POU6F2: variants seen among roughly 807,000 people sequenced by gnomAD.
POU6F2 encodes the protein POU domain, class 6, transcription factor 2.
Under a neutral mutation model 71.3 loss-of-function variants are expected in POU6F2, and 31 were observed. That is an observed-to-expected ratio of 0.43 (90% CI 0.33 to 0.59). The LOEUF is 0.59. Ranked by LOEUF, POU6F2 falls within the 20% of genes least tolerant of loss-of-function variation. The pLI, the probability that POU6F2 is intolerant of heterozygous loss-of-function variation, is 0.04. For synonymous variants in POU6F2, 347 were observed against 355.7 expected, an observed-to-expected ratio of 0.98 and a Z score of 0.27; for missense variants, 783 against 856.8, an observed-to-expected ratio of 0.91 and a Z score of 1.07.
At chr7:39,348,281 G>T (rs560720977) in intron 5 of POU6F2, among the ~76,000 whole-genome samples, 11 of 104,130 alleles carry the variant, frequency 1.1e-4, no homozygotes, top group Middle Eastern at 5.4e-3. Flanking sequence ...GTGACCATGG[G>T]CAAGTCACCT....
chr7:39,164,539 G>A (rs1343614007), intron 2 of POU6F2, among the ~76,000 whole-genome samples: 1 of 151,332 alleles, frequency 6.6e-6, no homozygotes, highest in East Asian at 2.0e-4. Context: ...AAGGCTCTGG[G>A]TGTGCTAAGT....
At chr7:38,987,230 A>C (rs976373631) in intron 1 of POU6F2, among the ~76,000 whole-genome samples, 3 of 152,166 alleles carry the variant, frequency 2.0e-5, no homozygotes, top group African/African-American at 7.2e-5. Flanking sequence ...CAAACCAATT[A>C]AAATAGCAAT....
intron 5 of POU6F2, among the ~76,000 whole-genome samples, chr7:39,341,962 T>C (rs767373449): frequency 1.3e-5 from 2 of 152,268 alleles, no homozygotes; most frequent in African/African-American, 4.8e-5. Context: ...TTTGTTTTGT[T>C]TTGGTTTTGC....
At chr7:39,294,641 C>CA (rs1784816361) in intron 4 of POU6F2, among the ~76,000 whole-genome samples, 2 of 152,078 alleles carry the variant, frequency 1.3e-5, no homozygotes, top group African/African-American at 4.8e-5. Flanking sequence ...AGTTGCTGTA[C>CA]CATTGAAGTC....
chr7:39,089,406 G>A (rs766234522), intron 2 of POU6F2, among the ~76,000 whole-genome samples: 18 of 152,278 alleles, frequency 1.2e-4, no homozygotes, highest in Middle Eastern at 3.4e-3. Context: ...AGAATCTGGC[G>A]CTGTGTCTCA....
chr7:39,261,487 G>A (rs1036985755), intron 4 of POU6F2, among the ~76,000 whole-genome samples: 3 of 152,138 alleles, frequency 2.0e-5, no homozygotes, highest in Admixed American at 6.5e-5. Flanking sequence ...TTTTTATAAG[G>A]CATTGTTCTC....
chr7:39,251,993 G>A (rs915952004), intron 4 of POU6F2, among the ~76,000 whole-genome samples: 2 of 152,158 alleles, frequency 1.3e-5, no homozygotes, highest in African/African-American at 4.8e-5. Flanking sequence ...AGTGCCTGTT[G>A]CCTCTGATCC....
chr7:39,010,844 T>C (rs1789258445), intron 1 of POU6F2, among the ~76,000 whole-genome samples: 1 of 151,292 alleles, frequency 6.6e-6, no homozygotes, highest in South Asian at 2.1e-4. Flanking sequence ...TTGAGTGAGA[T>C]TCTTAATCCT....
intron 2 of POU6F2, among the ~76,000 whole-genome samples, chr7:39,124,672 C>T (rs1053025955): frequency 1.3e-5 from 2 of 152,112 alleles, no homozygotes; most frequent in Admixed American, 6.5e-5. Context: ...CAAAACCCAC[C>T]GGTGAAGACT....
chr7:39,286,573 A>T (rs1784654042), intron 4 of POU6F2, among the ~76,000 whole-genome samples: 1 of 152,016 alleles, frequency 6.6e-6, no homozygotes, highest in Admixed American at 6.6e-5. Context: ...ATTCCTGGTG[A>T]TGGGGAGTTT....
chr7:39,066,439 G>A (rs1790754161), intron 1 of POU6F2, among the ~76,000 whole-genome samples: 1 of 151,680 alleles, frequency 6.6e-6, no homozygotes, highest in Admixed American at 6.6e-5. Flanking sequence ...GATAAAAATA[G>A]GAATATATAT....
intron 1 of POU6F2, among the ~76,000 whole-genome samples, chr7:38,998,149 A>G (rs1788792054): frequency 6.6e-6 from 1 of 152,120 alleles, no homozygotes; most frequent in South Asian, 2.1e-4. Context: ...TCCCTCCTCT[A>G]TTTATCTCTC....
intron 6 of POU6F2, among the ~76,000 whole-genome samples, chr7:39,410,069 C>G (rs1293525358): frequency 6.6e-6 from 1 of 152,176 alleles, no homozygotes; most frequent in Non-Finnish European, 1.5e-5. Flanking sequence ...GAGTAGAGGC[C>G]AGGCATGGTG....
chr7:39,452,720 A>T (rs577474520), intron 8 of POU6F2, among the ~76,000 whole-genome samples: 2 of 152,364 alleles, frequency 1.3e-5, no homozygotes, highest in East Asian at 3.9e-4. Flanking sequence ...TCTATATTCA[A>T]TTATACTGAT....
At chr7:39,314,630 G>T (rs1168189181) in intron 4 of POU6F2, among the ~76,000 whole-genome samples, 1 of 152,162 alleles carries the variant, frequency 6.6e-6, no homozygotes, top group Non-Finnish European at 1.5e-5. Flanking sequence ...GCAAGTTATA[G>T]AATTCATAAG....
chr7:39,127,578 A>G (rs909959613), intron 2 of POU6F2, among the ~76,000 whole-genome samples: 3 of 152,104 alleles, frequency 2.0e-5, no homozygotes, highest in Non-Finnish European at 4.4e-5. Flanking sequence ...GGCTATGAAG[A>G]AAAATAAAGC....
intron 1 of POU6F2, among the ~76,000 whole-genome samples, chr7:39,042,042 A>G (rs1790203362): frequency 6.6e-6 from 1 of 151,982 alleles, no homozygotes; most frequent in South Asian, 2.1e-4. Flanking sequence ...TCTTGGATAC[A>G]TACTCTGAAG....
intron 5 of POU6F2, among the ~76,000 whole-genome samples, chr7:39,358,746 T>C (rs1786314563): frequency 6.6e-6 from 1 of 152,142 alleles, no homozygotes; most frequent in Admixed American, 6.5e-5. Context: ...AGTTAATATT[T>C]CCTCAGTGAT....
chr7:39,079,771 T>C (rs1478609560), intron 1 of POU6F2, among the ~76,000 whole-genome samples: 4 of 151,996 alleles, frequency 2.6e-5, no homozygotes. Flanking sequence ...GAATGTTGAG[T>C]TGAGGAAGGA....
Sources: gnomAD v4.1 joint callset for allele counts (sites outside exome capture counted in the v4.1 genomes callset) on GRCh38, gnomAD v4.1.1 for gene constraint, MANE v1.5 for transcripts, NCBI Gene and HGNC (gene_info 2026-07-23, HGNC 2026-07-21) for gene names.